Variants in ACER1 observed in about 807,000 individuals in gnomAD.
ACER1 encodes the protein alkaline ceramidase 1.
A neutral mutation model predicts 24.9 loss-of-function variants in ACER1; 28 were observed. That is an observed-to-expected ratio of 1.13 (90% CI 0.83 to 1.54). The LOEUF (loss-of-function observed/expected upper bound fraction) is 1.54, where lower values mean the gene tolerates loss of function less well. Ranked by LOEUF, ACER1 falls within the 40% of genes most tolerant of loss-of-function variation. ACER1 has a pLI of 0.00. For missense variants in ACER1, 352 were observed against 349.3 expected (o/e 1.01, Z -0.06); for synonymous variants, 132 against 131.4 (o/e 1.00, Z -0.03).
intron 1 of ACER1, among the ~76,000 whole-genome samples, chr19:6,328,689 CAG>C (rs553428388): frequency 6.6e-6 from 1 of 151,718 alleles, no homozygotes; most frequent in Non-Finnish European, 1.5e-5. Context: ...TTTTTTTAGA[CAG>C]AGTCTCACTC....
the ACER1 span, among the ~76,000 whole-genome samples, chr19:6,357,379 G>A: frequency 6.6e-6 from 1 of 151,902 alleles, no homozygotes; most frequent in Non-Finnish European, 1.5e-5. Context: ...GAGGCTTTGT[G>A]GCTGGATTGA....
intron 3 of ACER1, among the ~76,000 whole-genome samples, chr19:6,311,251 G>A (rs1266895201): frequency 1.3e-5 from 2 of 152,036 alleles, no homozygotes; most frequent in Non-Finnish European, 2.9e-5. Flanking sequence ...GGCTCAGGTG[G>A]GTTAAGCCGG....
upstream of ACER1, among the ~76,000 whole-genome samples, chr19:6,335,707 C>G (rs1211942716): frequency 6.6e-6 from 1 of 151,440 alleles, no homozygotes. Flanking sequence ...GGTGGGTGCC[C>G]ATAGTCCCAG....
At chr19:6,336,819 C>CAAAAAAAAA (rs57500077), upstream of ACER1, among the ~76,000 whole-genome samples, 1 of 67,774 alleles carries the variant, frequency 1.5e-5, no homozygotes, top group African/African-American at 4.7e-5. Flanking sequence ...GACCCCGACT[C>CAAAAAAAAA]AAAAAAAAAA....
At chr19:6,321,197 A>G (rs7249662) in intron 1 of ACER1, among the ~76,000 whole-genome samples, 42,589 of 150,992 alleles carry the variant, frequency 0.28, 7,328 homozygotes, top group African/African-American at 0.48. Flanking sequence ...GTGCAGTGGC[A>G]TGATCTTGGC....
At chr19:6,338,589 A>AT (rs775431844), upstream of ACER1, among the ~76,000 whole-genome samples, 9 of 151,952 alleles carry the variant, frequency 5.9e-5, no homozygotes, top group Admixed American at 3.9e-4. Flanking sequence ...TAATTATTCC[A>AT]TTTTTTTTAA....
At chr19:6,311,499 A>G (rs1447131014) in intron 3 of ACER1, among the ~76,000 whole-genome samples, 3 of 151,910 alleles carry the variant, frequency 2.0e-5, no homozygotes, top group Admixed American at 6.6e-5. Flanking sequence ...CCGAGATCGC[A>G]CCACTGCACT....
At chr19:6,320,067 C>T (rs1351065163) in intron 1 of ACER1, among the ~76,000 whole-genome samples, 1 of 146,538 alleles carries the variant, frequency 6.8e-6, no homozygotes, top group Non-Finnish European at 1.5e-5. Flanking sequence ...CGCACCATTG[C>T]ACTCCAACCC....
At chr19:6,343,459 C>T in the ACER1 span, among the ~76,000 whole-genome samples, 1 of 151,946 alleles carries the variant, frequency 6.6e-6, no homozygotes, top group Admixed American at 6.6e-5. Flanking sequence ...CAACATGTGG[C>T]CTCCATACCC....
At position 6,306,507 on chromosome 19, in the gene ACER1, C is replaced by T. The variant is rs2091552933; in HGVS notation, c.*207G>A. 1 of 571,662 alleles carries T rather than the reference C, an allele frequency of 1.7e-6. No individual in the cohort carries two copies. Among genetic ancestry groups the T allele is most frequent in the Non-Finnish European group, 3.0e-6 (1 of 333,174 alleles). 35.4% of individuals were successfully genotyped at this position (571,662 alleles called of 1,614,324 possible). On this transcript the variant is annotated 3_prime_UTR_variant, in exon 6 of 6. Transcript: ENST00000301452. Reference sequence around the variant, plus strand: ...ATGGAGGGGAGATGCACGAGACAGCCCCCCACAGTCACCAGGCTGCTGCTC... The same window carrying T: ...ATGGAGGGGAGATGCACGAGACAGCTCCCCACAGTCACCAGGCTGCTGCTC...
At chr19:6,359,642 G>C in the ACER1 span, among the ~76,000 whole-genome samples, 1 of 151,906 alleles carries the variant, frequency 6.6e-6, no homozygotes, top group African/African-American at 2.4e-5. Context: ...TGATTCGAAG[G>C]ACTGCCCCGG....
At position 6,309,862 on chromosome 19, in the gene ACER1, C is replaced by T. The variant is rs530733665; in HGVS notation, c.351-28G>A. The T allele has an allele frequency of 4.7e-5, 76 of 1,612,862 alleles. No homozygotes were observed. In the Middle Eastern group the frequency reaches 8.2e-4, roughly 17 times the overall value. ...GGGGAGGAAGGGGCTCAGCTGTAGG[C>T]GGGAAGGGAGGTCCTGGGATTGTAG... On this transcript the variant is annotated intron_variant, in intron 3 of 5. Transcript: ENST00000301452.
intron 1 of ACER1, among the ~76,000 whole-genome samples, chr19:6,318,631 A>G (rs939645163): frequency 2.5e-4 from 35 of 141,514 alleles, no homozygotes; most frequent in Admixed American, 3.7e-4. Flanking sequence ...CAAAAAAAAA[A>G]AAAAAATAGC....
chr19:6,332,213 C>T (rs10426711), intron 1 of ACER1, among the ~76,000 whole-genome samples: 4,337 of 150,514 alleles, frequency 0.029, 213 homozygotes, highest in African/African-American at 0.1. Flanking sequence ...GTGATCCACT[C>T]ACCTTGGCCT....
At chr19:6,359,498 A>T in the ACER1 span, among the ~76,000 whole-genome samples, 1 of 152,016 alleles carries the variant, frequency 6.6e-6, no homozygotes, top group East Asian at 1.9e-4. Context: ...TTGTATTTTT[A>T]ATAGAGACGG....
intron 1 of ACER1, among the ~76,000 whole-genome samples, chr19:6,328,623 A>G (rs183882951): frequency 9.9e-5 from 15 of 151,628 alleles, no homozygotes; most frequent in African/African-American, 2.7e-4. Flanking sequence ...AGGCACAAGG[A>G]TTACTTGAGC....
At chr19:6,355,683 C>T in the ACER1 span, among the ~76,000 whole-genome samples, 43 of 141,522 alleles carry the variant, frequency 3.0e-4, no homozygotes, top group African/African-American at 6.1e-4. Flanking sequence ...CGCCTCTGCC[C>T]GGCCACCCCT....
At chr19:6,357,558 G>T in the ACER1 span, among the ~76,000 whole-genome samples, 1 of 152,002 alleles carries the variant, frequency 6.6e-6, no homozygotes, top group Admixed American at 6.6e-5. Flanking sequence ...GATCATTTGA[G>T]GTCAGGAGTT....
rs1028745770 is a variant in ACER1, at chr19:6,332,566, C to T, written c.93+893G>A. 7.9e-5 allele frequency among the ~76,000 whole-genome samples: 12 copies of T among 152,210 alleles called. No homozygotes were observed. In the East Asian group the frequency reaches 1.5e-3, roughly 20 times the overall value. On this transcript the variant is annotated intron_variant, in intron 1 of 5. Coordinates refer to ENST00000301452, the MANE Select transcript of ACER1 (RefSeq NM_133492.3). ...GGGGTTACAGGCATGAGCCATGGTGCTAGGTACATCCATGATTTTTTAGCA... is the reference window on the plus strand; with the variant it reads ...GGGGTTACAGGCATGAGCCATGGTGTTAGGTACATCCATGATTTTTTAGCA...
Sources: allele counts gnomAD v4.1 joint callset (sites outside exome capture counted in the v4.1 genomes callset), GRCh38; gene constraint gnomAD v4.1.1; transcripts MANE v1.5; gene names NCBI Gene and HGNC (gene_info 2026-07-23, HGNC 2026-07-21).